ZFR: variants seen among roughly 807,000 people sequenced by gnomAD.
ZFR encodes the protein zinc finger RNA-binding protein.
ZFR carries 19 observed loss-of-function variants against 130.7 expected under a neutral mutation model. The ratio of observed to expected loss-of-function variants is 0.15; its 90% CI spans 0.10 to 0.21. The LOEUF (loss-of-function observed/expected upper bound fraction) is 0.21. Ranked by LOEUF, ZFR falls within the 10% of genes least tolerant of loss-of-function variation. The probability of loss-of-function intolerance (pLI) is 1.00; values close to 1 mark genes in which losing one functional copy is unlikely to be tolerated. For synonymous variants in ZFR, 466 were observed against 456.9 expected (o/e 1.02, Z -0.25); for missense variants, 872 against 1,321.5 (o/e 0.66, Z 5.27).
At chr5:32,371,574 G>A (rs1752669227) in intron 17 of ZFR, among the ~76,000 whole-genome samples, 1 of 152,014 alleles carries the variant, frequency 6.6e-6, no homozygotes, top group Non-Finnish European at 1.5e-5. Context: ...CTTTCAATTT[G>A]GAGAAAGGTA....
In ZFR at chr5:32,380,142, G is replaced by A. The variant is rs759386226; in HGVS notation, c.2672C>T (p.Pro891Leu). The A allele has an allele frequency of 1.2e-6, 2 of 1,613,876 alleles. No individual in the cohort carries two copies. The highest frequency in any genetic ancestry group is 1.3e-5 in the African/African-American group (1 of 74,894). ...GCATTTTTGCCTGTCCAAGACGTCC[G>A]GTGGGTCTTTCACCATACCCGAGGT... Reference protein sequence around the residue: ...DVTSGMVKDPPDVLDRQKCLD... With the variant: ...DVTSGMVKDPLDVLDRQKCLD... The change falls in exon 16 of 20, where the codon CCG becomes CTG. Residue 891 changes from proline to leucine, a missense_variant. Around this residue, in one of 7 missense-constraint regions of ZFR, gnomAD observed 158 missense variants for 264.0 expected, o/e 0.60. Transcript: ENST00000265069.
chr5:32,404,240 C>T (rs1753530688), intron 6 of ZFR, 143 bp from the exon 7 acceptor site: 5 of 621,974 alleles, frequency 8.0e-6, no homozygotes, highest in Admixed American at 6.0e-5. Context: ...ATGTGGCATT[C>T]GTTACATATG....
At chr5:32,430,701 A>G (rs1368857738) in intron 2 of ZFR, among the ~76,000 whole-genome samples, 1 of 152,184 alleles carries the variant, frequency 6.6e-6, no homozygotes, top group Non-Finnish European at 1.5e-5. Flanking sequence ...AGCCAGAGGG[A>G]AAAAACTGCC....
Position 32,355,613 on chromosome 5 carries a change from C to T in ZFR, c.*147G>A, listed in dbSNP as rs1459384356. On this transcript the variant is annotated 3_prime_UTR_variant, in exon 20 of 20. Coordinates refer to ENST00000265069, the MANE Select transcript of ZFR (RefSeq NM_016107.5). ...CATTCAAATAATACCTAACACTGTA[C>T]ATTTTTTAATATCATAGAAAAACTT... 1 of 724,676 alleles carries T rather than the reference C, an allele frequency of 1.4e-6. No individual in the cohort carries two copies. Among genetic ancestry groups the T allele is most frequent in the Admixed American group, 3.8e-5 (1 of 26,578 alleles). The allele number at this position is 724,676 out of a possible 1,614,324, so 44.9% of individuals were successfully genotyped here.
At chr5:32,361,618 CT>C (rs1194868463) in intron 19 of ZFR, among the ~76,000 whole-genome samples, 3,171 of 133,948 alleles carry the variant, frequency 0.024, 55 homozygotes, top group African/African-American at 0.074. Context: ...TCAGCCTATT[CT>C]TTTTTTTTTT....
chr5:32,416,637 A>C (rs1443836578), intron 4 of ZFR, among the ~76,000 whole-genome samples: 2 of 146,044 alleles, frequency 1.4e-5, no homozygotes, highest in African/African-American at 5.1e-5. Context: ...AAGAGAAGAG[A>C]CCACAGGAAT....
chr5:32,442,911 C>A (rs764778644), intron 2 of ZFR, among the ~76,000 whole-genome samples: 52 of 152,240 alleles, frequency 3.4e-4, no homozygotes, highest in Middle Eastern at 6.8e-3. Flanking sequence ...GTCATAAAAT[C>A]AAGAGCAAAA....
At chr5:32,389,860 CT>C (rs1753124004) in intron 12 of ZFR, among the ~76,000 whole-genome samples, 4 of 152,298 alleles carry the variant, frequency 2.6e-5, no homozygotes, top group Admixed American at 2.6e-4. Flanking sequence ...AGATTAAAAA[CT>C]TGTATCAAGC....
chr5:32,373,635 A>G (rs968543354), intron 17 of ZFR, among the ~76,000 whole-genome samples: 3 of 152,166 alleles, frequency 2.0e-5, no homozygotes, highest in African/African-American at 4.8e-5. Flanking sequence ...TCATAAGGTA[A>G]TAAGTTATTA....
In ZFR at chr5:32,404,006, G is replaced by A. The variant is rs1581699797; in HGVS notation, c.1124C>T (p.Thr375Ile). The change falls in exon 7 of 20, where the codon ACT becomes ATT. Residue 375 changes from threonine (T) to isoleucine (I), a missense_variant. By Grantham distance (89) the Thr-to-Ile change is moderately conservative (BLOSUM62 -1). Around this residue, in one of 7 missense-constraint regions of ZFR, gnomAD observed 31 missense variants for 21.8 expected, o/e 1.42. Coordinates refer to ENST00000265069, the MANE Select transcript of ZFR (RefSeq NM_016107.5). ...SQNTSSSNSS[T>I]RGTQNQLRCE... Reference sequence around the variant, plus strand: ...ACGTAGCTGATTTTGAGTCCCACGAGTAGAACTGTTGCTGCTGCTGGTATT... The same window carrying A: ...ACGTAGCTGATTTTGAGTCCCACGAATAGAACTGTTGCTGCTGCTGGTATT... The A allele has an allele frequency of 1.9e-6, 3 of 1,614,162 alleles. No individual in the cohort carries two copies. Among genetic ancestry groups the A allele is most frequent in the Non-Finnish European group, 2.5e-6 (3 of 1,179,992 alleles).
Position 32,364,060 on chromosome 5 carries a change from A to G in ZFR, c.2948-15T>C. The G allele has an allele frequency of 6.2e-7, 1 of 1,611,838 alleles. No homozygotes were observed. Among genetic ancestry groups the G allele is most frequent in the Non-Finnish European group, 8.5e-7 (1 of 1,178,202 alleles). On this transcript the variant is annotated splice_polypyrimidine_tract_variant and intron_variant, in intron 18 of 19. Transcript: ENST00000265069. ...TCCAGGACTACCTACAGCAATCACC[A>G]CAGGGAGAGGAAATTATTAGCATTG...
chr5:32,398,534 C>G (rs1453444132), intron 9 of ZFR, among the ~76,000 whole-genome samples: 1 of 152,288 alleles, frequency 6.6e-6, no homozygotes, highest in East Asian at 1.9e-4. Flanking sequence ...ATTGGGTGTT[C>G]TGGTTGAGAG....
intron 17 of ZFR, among the ~76,000 whole-genome samples, chr5:32,369,804 T>C (rs1752620782): frequency 6.6e-6 from 1 of 152,090 alleles, no homozygotes; most frequent in Non-Finnish European, 1.5e-5. Flanking sequence ...AGAGTGAAAC[T>C]CTGTCTTAAA....
chr5:32,361,247 A>G (rs913507207), intron 19 of ZFR, among the ~76,000 whole-genome samples: 1 of 152,256 alleles, frequency 6.6e-6, no homozygotes, highest in African/African-American at 2.4e-5. Context: ...CCCAAGTTAG[A>G]TAATTCTAGT....
intron 9 of ZFR, among the ~76,000 whole-genome samples, chr5:32,397,926 C>T (rs1221403783): frequency 4.1e-5 from 5 of 121,634 alleles, no homozygotes; most frequent in Admixed American, 2.3e-4. Context: ...GGTGCGATCT[C>T]GGCTCACTGC....
At chr5:32,372,266 A>G (rs1752688217) in intron 17 of ZFR, among the ~76,000 whole-genome samples, 1 of 152,248 alleles carries the variant, frequency 6.6e-6, no homozygotes, top group Non-Finnish European at 1.5e-5. Context: ...TGTGGAACAT[A>G]GCATGAAAAC....
intron 19 of ZFR, among the ~76,000 whole-genome samples, chr5:32,361,287 T>C (rs978429855): frequency 1.3e-5 from 2 of 152,234 alleles, no homozygotes; most frequent in Non-Finnish European, 2.9e-5. Context: ...TACACCTGCT[T>C]TGAAAATCCT....
intron 15 of ZFR, among the ~76,000 whole-genome samples, chr5:32,385,094 T>A (rs967892833): frequency 6.6e-6 from 1 of 152,090 alleles, no homozygotes; most frequent in African/African-American, 2.4e-5. Flanking sequence ...CAATTTTGTT[T>A]GTGAAAACTC....
intron 2 of ZFR, among the ~76,000 whole-genome samples, chr5:32,433,889 T>A (rs1223161064): frequency 6.6e-6 from 1 of 152,046 alleles, no homozygotes; most frequent in African/African-American, 2.4e-5. Context: ...GAGACCAACC[T>A]GGGCAACATG....
Sources: gnomAD v4.1 joint callset for allele counts (sites outside exome capture counted in the v4.1 genomes callset) on GRCh38, gnomAD v4.1.1 for gene constraint, gnomAD v4.1.1 regional missense constraint, MANE v1.5 for transcripts, NCBI Gene and HGNC (gene_info 2026-07-23, HGNC 2026-07-21) for gene names.